Variants in AVL9 observed in about 807,000 individuals in gnomAD.
The protein encoded by AVL9 is late secretory pathway protein AVL9 homolog.
Under a neutral mutation model 79.2 loss-of-function variants are expected in AVL9, and 49 were observed. The observed-to-expected ratio is 0.62, with a 90% CI of 0.49 to 0.79. The LOEUF is 0.79. Among genes scored for constraint, AVL9 ranks in the 30% least tolerant of loss-of-function variants. The pLI, the probability that AVL9 is intolerant of heterozygous loss-of-function variation, is 0.00. For synonymous variants in AVL9, 299 were observed against 280.6 expected, an observed-to-expected ratio of 1.07 and a Z score of -0.65; for missense variants, 682 against 776.8, an observed-to-expected ratio of 0.88 and a Z score of 1.45.
chr7:32,516,277 A>G (rs1440120344), intron 1 of AVL9, among the ~76,000 whole-genome samples: 2 of 152,240 alleles, frequency 1.3e-5, no homozygotes, highest in Non-Finnish European at 2.9e-5. Flanking sequence ...TACAGGAAGC[A>G]GTCTTCACTG....
chr7:32,551,183 A>G (rs1415712323), intron 4 of AVL9, 151 bp from the exon 5 acceptor site: 4 of 579,882 alleles, frequency 6.9e-6, no homozygotes, highest in South Asian at 6.7e-5. Flanking sequence ...ACGGCTTTCA[A>G]CTATGAATAA....
intron 13 of AVL9, among the ~76,000 whole-genome samples, chr7:32,578,084 G>T (rs1791180746): frequency 6.6e-6 from 1 of 152,154 alleles, no homozygotes; most frequent in Non-Finnish European, 1.5e-5. Context: ...AAAGAATTGG[G>T]GGCTTGGAGC....
rs1787258746 is a variant in AVL9 at position 32,503,396 on chromosome 7, A to ACC, written c.93+7595_93+7596insCC. The stretch of plus-strand genomic sequence containing the variant: ...TATACACACACACACACACACACAC[A>ACC]CACACACACAAATTAGCCGGGCTTG... On this transcript the variant is annotated intron_variant, in intron 1 of 15. Transcript: ENST00000318709. 4.8e-5 allele frequency among the ~76,000 whole-genome samples: 7 copies of ACC among 147,288 alleles called. No individual in the cohort carries two copies. In the South Asian group the frequency reaches 1.1e-3, roughly 23 times the overall value.
intron 1 of AVL9, among the ~76,000 whole-genome samples, chr7:32,530,749 A>T (rs982407188): frequency 2.0e-5 from 3 of 152,222 alleles, no homozygotes; most frequent in Non-Finnish European, 4.4e-5. Context: ...GGAGTTCGAG[A>T]CCAGCCTGAC....
In AVL9 at chr7:32,585,452, G is replaced by A. The variant is rs1791733396; in HGVS notation, c.*1545G>A. On this transcript the variant is annotated 3_prime_UTR_variant, in exon 16 of 16. Transcript: ENST00000318709. The stretch of plus-strand genomic sequence containing the variant: ...TGCTCAGCTCTCATTTGCTTTTCAA[G>A]GATACCTGGGATGGCTGTTCTCAGA... 6.6e-6 allele frequency: 1 copy of A among 152,156 alleles called. No homozygotes were observed. Among genetic ancestry groups the A allele is most frequent in the Non-Finnish European group, 1.5e-5 (1 of 68,032 alleles). The allele number at this position is 152,156 out of a possible 1,614,324, so 9.4% of individuals were successfully genotyped here.
chr7:32,533,322 TA>T, intron 1 of AVL9: 1 of 152,030 alleles, frequency 6.6e-6, no homozygotes, highest in Admixed American at 6.6e-5. Flanking sequence ...AAATAAAAAA[TA>T]AAAAATCTTA....
intron 4 of AVL9, among the ~76,000 whole-genome samples, chr7:32,550,377 A>T (rs1272002187): frequency 3.3e-5 from 5 of 152,162 alleles, no homozygotes; most frequent in Admixed American, 3.3e-4. Flanking sequence ...GGGGTAAAAA[A>T]ATCGAGTTTT....
chr7:32,508,834 A>G (rs149665263), intron 1 of AVL9, among the ~76,000 whole-genome samples: 108 of 152,304 alleles, frequency 7.1e-4, no homozygotes, highest in African/African-American at 2.4e-3. Flanking sequence ...CTATTTTTCT[A>G]TGCTTGCACC....
Position 32,584,226 on chromosome 7 carries a change from T to C in AVL9, c.*319T>C, listed in dbSNP as rs1034949413. 3.4e-6 allele frequency: 1 copy of C among 296,382 alleles called. No homozygotes were observed. The highest frequency in any genetic ancestry group is 6.5e-6 in the Non-Finnish European group (1 of 154,512). 18.4% of individuals were successfully genotyped at this position (296,382 alleles called of 1,614,324 possible). A position where few individuals can be genotyped will look rare whatever the true frequency, so the allele number is the denominator to read the frequency against. ...TTTACTTTAGAAGAGTTTTTACTTATGTAAATTTTGTTCTGTTTTGGTGTT... is the reference window on the plus strand; with the variant it reads ...TTTACTTTAGAAGAGTTTTTACTTACGTAAATTTTGTTCTGTTTTGGTGTT... On this transcript the variant is annotated 3_prime_UTR_variant, in exon 16 of 16. Coordinates refer to ENST00000318709, the MANE Select transcript of AVL9 (RefSeq NM_015060.3).
At chr7:32,496,468 C>A (rs1189384235) in intron 1 of AVL9, among the ~76,000 whole-genome samples, 1 of 152,162 alleles carries the variant, frequency 6.6e-6, no homozygotes, top group Non-Finnish European at 1.5e-5. Flanking sequence ...ATTACCAAAC[C>A]GTTCAAATAT....
intron 1 of AVL9, among the ~76,000 whole-genome samples, chr7:32,509,298 A>C (rs148420670): frequency 0.011 from 1,716 of 152,114 alleles, 34 homozygotes; most frequent in African/African-American, 0.038. Flanking sequence ...TCTGGGAGGA[A>C]CCAGACCCAA....
intron 1 of AVL9, chr7:32,535,999 A>G (rs1008306361): frequency 3.5e-4 from 54 of 152,222 alleles, no homozygotes; most frequent in African/African-American, 1.3e-3. Flanking sequence ...GCCTTCCGCC[A>G]TGATTATAAG....
intron 1 of AVL9, among the ~76,000 whole-genome samples, chr7:32,500,620 C>G (rs1391882355): frequency 6.6e-6 from 1 of 151,884 alleles, no homozygotes; most frequent in Non-Finnish European, 1.5e-5. Context: ...TAATTAGATC[C>G]CATTTGTCAA....
intron 14 of AVL9, 60 bp downstream of exon 14, chr7:32,580,332 C>A: frequency 1.5e-6 from 2 of 1,332,366 alleles, no homozygotes; most frequent in Non-Finnish European, 2.1e-6. Flanking sequence ...CCATGTGTTT[C>A]ATTGCTAATT....
At chr7:32,549,140 A>T (rs1462791087) in intron 4 of AVL9, among the ~76,000 whole-genome samples, 4 of 151,816 alleles carry the variant, frequency 2.6e-5, no homozygotes, top group African/African-American at 9.7e-5. Context: ...AAGTAAGTTG[A>T]CACATAAACA....
Position 32,538,347 on chromosome 7 carries a change from A to G in AVL9, c.94-4794A>G, listed in dbSNP as rs1330494182. The G allele has an allele frequency of 7.9e-5, 12 of 152,326 alleles. No individual in the cohort carries two copies. The South Asian group carries it at 2.1e-3, about 26-fold the overall frequency. The allele number at this position is 152,326 out of a possible 1,614,324, so 9.4% of individuals were successfully genotyped here. ...TTTATTTATTTATTTTTAATCCTAA[A>G]AGCAATACATATCCATTTAAAAATA... On this transcript the variant is annotated intron_variant, in intron 1 of 15. Transcript: ENST00000318709.
chr7:32,503,409 T>C (rs1453265502), intron 1 of AVL9, among the ~76,000 whole-genome samples: 8 of 58,834 alleles, frequency 1.4e-4, no homozygotes, highest in Admixed American at 1.2e-3. Flanking sequence ...CACACACAAA[T>C]TAGCCGGGCT....
chr7:32,520,252 A>G (rs1361727147), intron 1 of AVL9, among the ~76,000 whole-genome samples: 1 of 152,246 alleles, frequency 6.6e-6, no homozygotes, highest in Non-Finnish European at 1.5e-5. Context: ...AAAAGCGAAG[A>G]GTATGATGTA....
At chr7:32,507,934 T>A (rs1787482917) in intron 1 of AVL9, among the ~76,000 whole-genome samples, 1 of 152,246 alleles carries the variant, frequency 6.6e-6, no homozygotes, top group Non-Finnish European at 1.5e-5. Context: ...GGGTATGTAG[T>A]GTCATCTCAT....
Sources: gnomAD v4.1 joint callset for allele counts (sites outside exome capture counted in the v4.1 genomes callset) on GRCh38, gnomAD v4.1.1 for gene constraint, MANE v1.5 for transcripts, NCBI Gene and HGNC (gene_info 2026-07-23, HGNC 2026-07-21) for gene names.